Variants in KANK1 observed in about 807,000 individuals in gnomAD.
KANK1 encodes the protein KN motif and ankyrin repeat domains 1.
In KANK1, 109 loss-of-function variants were observed where a neutral mutation model predicts 106.2. The ratio of observed to expected loss-of-function variants is 1.03; its 90% CI spans 0.88 to 1.20. KANK1 has a LOEUF of 1.20. Among genes scored for constraint, KANK1 ranks in the 50% most tolerant of loss-of-function variants. The probability of loss-of-function intolerance (pLI) is 0.00; values close to 1 mark genes in which losing one functional copy is unlikely to be tolerated. For synonymous variants in KANK1, 873 were observed against 652.2 expected (o/e 1.34, Z -5.16); for missense variants, 2,399 against 1,710.7 (o/e 1.40, Z -7.10).
intron 1 of KANK1, among the ~76,000 whole-genome samples, chr9:582,061 C>A (rs1471735743): frequency 6.6e-6 from 1 of 152,166 alleles, no homozygotes; most frequent in South Asian, 2.1e-4. Flanking sequence ...TTGGAACTCC[C>A]CCTGCCCCAG....
At chr9:541,284 C>T (rs755296936) in intron 1 of KANK1, among the ~76,000 whole-genome samples, 3 of 152,082 alleles carry the variant, frequency 2.0e-5, no homozygotes, top group Non-Finnish European at 4.4e-5. Context: ...TATTTACAGT[C>T]GGTTGGCTCT....
At position 609,998 on chromosome 9, in the gene KANK1, T is replaced by C. The variant is rs556698120; in HGVS notation, c.-83-66892T>C. ...TGAGGTGTCAGGACTTTCCACTCAT[T>C]TATGAAGCCTTTACAATTATAATGA... On this transcript the variant is annotated intron_variant, in intron 1 of 11. Coordinates refer to ENST00000382297, the MANE Select transcript of KANK1 (RefSeq NM_015158.5). Among the ~76,000 whole-genome samples the C allele has an allele frequency of 1.3e-4, 20 of 152,286 alleles. 1 individual carries two copies. Among genetic ancestry groups the C allele is most frequent in the African/African-American group, 2.6e-4 (11 of 41,548 alleles).
chr9:674,641 A>G (rs751659510), intron 1 of KANK1, among the ~76,000 whole-genome samples: 1 of 152,076 alleles, frequency 6.6e-6, no homozygotes, highest in Non-Finnish European at 1.5e-5. Flanking sequence ...TTTGAATAGC[A>G]TTTAAAAAAA....
In KANK1 at chr9:740,834, C is replaced by T; in HGVS notation, c.3596C>T (p.Pro1199Leu). 1.2e-6 allele frequency: 2 copies of T among 1,613,996 alleles called. No individual in the cohort carries two copies. The highest frequency in any genetic ancestry group is 1.7e-6 in the Non-Finnish European group (2 of 1,179,996). ...VDHQNKAGYT[P>L]IMLAALAAVE... ...CACCAGAACAAGGCAGGCTACACCC[C>T]CATCATGTTGGCGGCCCTCGCCGCT... The change falls in exon 9 of 12, where the codon CCC becomes CTC. Residue 1199 changes from proline (P) to leucine (L), a missense_variant. Physicochemically the swap from Pro to Leu is moderately conservative, Grantham distance 98. Coordinates refer to ENST00000382297, the MANE Select transcript of KANK1 (RefSeq NM_015158.5).
intron 1 of KANK1, among the ~76,000 whole-genome samples, chr9:600,663 C>T (rs903804750): frequency 1.3e-5 from 2 of 151,704 alleles, no homozygotes; most frequent in Non-Finnish European, 2.9e-5. Context: ...CACACTTGCC[C>T]TCCATACACC....
At chr9:538,879 G>C (rs947356533) in intron 1 of KANK1, among the ~76,000 whole-genome samples, 1 of 152,046 alleles carries the variant, frequency 6.6e-6, no homozygotes, top group Admixed American at 6.6e-5. Flanking sequence ...TCCAGCTTTT[G>C]TTTTTTATTT....
intron 3 of KANK1, among the ~76,000 whole-genome samples, chr9:489,405 T>G (rs900111877): frequency 1.3e-5 from 2 of 152,116 alleles, no homozygotes; most frequent in African/African-American, 2.4e-5. Flanking sequence ...TCCAGCCAAA[T>G]TTGAATTTCA....
intron 1 of KANK1, among the ~76,000 whole-genome samples, chr9:605,770 C>T (rs78147971): frequency 0.013 from 2,031 of 151,716 alleles, 107 homozygotes; most frequent in African/African-American, 0.047. Context: ...CCCAGTGGCC[C>T]GCTCTCCCTC....
At chr9:518,522 A>T (rs2059399456) in intron 1 of KANK1, among the ~76,000 whole-genome samples, 1 of 151,772 alleles carries the variant, frequency 6.6e-6, no homozygotes, top group Non-Finnish European at 1.5e-5. Context: ...TCTAGAATCG[A>T]AACTCTACTA....
Position 707,044 on chromosome 9 carries a change from G to A in KANK1, c.38-3760G>A, listed in dbSNP as rs963922675. 5.1e-6 allele frequency: 5 copies of A among 985,342 alleles called. No individual in the cohort carries two copies. In the African/African-American group the frequency reaches 7.0e-5, roughly 14 times the overall value. 61.0% of individuals were successfully genotyped at this position (985,342 alleles called of 1,614,324 possible). The stretch of plus-strand genomic sequence containing the variant: ...ATGCGGAACAGCTGAGTGCGGCGGG[G>A]GTGGTGTCACTGCAGCCGGAGGGAG... On this transcript the variant is annotated intron_variant, in intron 2 of 11. Coordinates refer to ENST00000382297, the MANE Select transcript of KANK1 (RefSeq NM_015158.5).
At chr9:718,451 T>A (rs1828355364) in intron 3 of KANK1, among the ~76,000 whole-genome samples, 1 of 150,690 alleles carries the variant, frequency 6.6e-6, no homozygotes. Flanking sequence ...TTGCTGGGAC[T>A]ACAGGTGCAT....
Position 742,197 on chromosome 9 carries a change from T to TC in KANK1, c.3697-5dup. 5 of 1,613,764 alleles carry TC rather than the reference T, an allele frequency of 3.1e-6. No homozygotes were observed. Among genetic ancestry groups the TC allele is most frequent in the Non-Finnish European group, 4.2e-6 (5 of 1,179,752 alleles). ...TACTTCTGAAGTCCTTGTCATCTCT[T>TC]CCCATAGGCGGGACAGACGGCCCTC... On this transcript the variant is annotated splice_region_variant and splice_polypyrimidine_tract_variant and intron_variant, in intron 9 of 11. Transcript: ENST00000382297.
At chr9:700,154 T>C (rs1191004513) in intron 2 of KANK1, among the ~76,000 whole-genome samples, 2 of 152,230 alleles carry the variant, frequency 1.3e-5, no homozygotes, top group African/African-American at 4.8e-5. Context: ...GAACGGGTTT[T>C]ATCTGGGAGG....
intron 1 of KANK1, among the ~76,000 whole-genome samples, chr9:618,747 A>G (rs1832461485): frequency 6.6e-6 from 1 of 152,118 alleles, no homozygotes; most frequent in African/African-American, 2.4e-5. Flanking sequence ...CAAACTGGTC[A>G]TTTGGGAAGT....
At chr9:627,260 A>G (rs1489685466) in intron 1 of KANK1, among the ~76,000 whole-genome samples, 17 of 152,112 alleles carry the variant, frequency 1.1e-4, no homozygotes, top group Non-Finnish European at 2.5e-4. Flanking sequence ...CCCAGTCTCC[A>G]TTCCCTCCTC....
At chr9:549,127 T>C (rs1238246360) in intron 1 of KANK1, 5 of 152,034 alleles carry the variant, frequency 3.3e-5, no homozygotes, top group Non-Finnish European at 7.4e-5. Context: ...CAAAGAAACC[T>C]GTGTGAATTT....
At chr9:696,852 G>A (rs73373001) in intron 2 of KANK1, among the ~76,000 whole-genome samples, 9 of 152,142 alleles carry the variant, frequency 5.9e-5, no homozygotes, top group African/African-American at 2.2e-4. Context: ...AAAACAGGCT[G>A]CATATTTGCA....
chr9:677,157 G>A lies in KANK1; in HGVS notation c.37+148G>A, dbSNP rs190619334. The stretch of plus-strand genomic sequence containing the variant: ...TTTCTGTCCATTGAAGTTTGGGTTT[G>A]TTTTGTTTTACTCTCAGAAAATTTG... On this transcript the variant is annotated intron_variant, in intron 2 of 11. Coordinates refer to ENST00000382297, the MANE Select transcript of KANK1 (RefSeq NM_015158.5). The A allele has an allele frequency of 5.6e-6, 4 of 720,480 alleles. No homozygotes were observed. In the Admixed American group the frequency reaches 1.2e-4, roughly 22 times the overall value. 44.6% of individuals were successfully genotyped at this position (720,480 alleles called of 1,614,324 possible). A position where few individuals can be genotyped will look rare whatever the true frequency, so the allele number is the denominator to read the frequency against.
intron 1 of KANK1, among the ~76,000 whole-genome samples, chr9:654,608 C>T (rs60397071): frequency 0.23 from 34,172 of 151,664 alleles, 6,990 homozygotes; most frequent in East Asian, 0.56. Flanking sequence ...TCTGCTTTGA[C>T]CCTATGAGCC....
Sources: gnomAD v4.1 joint callset for allele counts (sites outside exome capture counted in the v4.1 genomes callset) on GRCh38, gnomAD v4.1.1 for gene constraint, MANE v1.5 for transcripts, NCBI Gene and HGNC (gene_info 2026-07-23, HGNC 2026-07-21) for gene names.